The following KCNMA1 variants were observed in gnomAD, a reference collection of about 807,000 sequenced individuals.
KCNMA1 encodes the protein Calcium-activated potassium channel subunit alpha-1.
A neutral mutation model predicts 140.0 loss-of-function variants in KCNMA1; 29 were observed. That is an observed-to-expected ratio of 0.21 (90% CI 0.15 to 0.28). The LOEUF is 0.28. Ranked by LOEUF, KCNMA1 falls within the 10% of genes least tolerant of loss-of-function variation. The pLI is 1.00. For missense variants in KCNMA1, 880 were observed against 1,602.2 expected, an observed-to-expected ratio of 0.55 and a Z score of 7.70; for synonymous variants, 612 against 611.9, an observed-to-expected ratio of 1.00 and a Z score of 0.00.
intron 1 of KCNMA1, among the ~76,000 whole-genome samples, chr10:77,416,686 C>A (rs1188042164): frequency 6.6e-6 from 1 of 152,310 alleles, no homozygotes; most frequent in South Asian, 2.1e-4. Context: ...TGCTTCCCAC[C>A]ACTACCACCT....
At chr10:77,589,091 T>C (rs2078189122) in intron 1 of KCNMA1, among the ~76,000 whole-genome samples, 1 of 152,214 alleles carries the variant, frequency 6.6e-6, no homozygotes, top group Non-Finnish European at 1.5e-5. Context: ...TAAAACTTTA[T>C]TTACAAAACA....
At chr10:77,186,785 G>A (rs1450268614) in intron 3 of KCNMA1, among the ~76,000 whole-genome samples, 22 of 63,916 alleles carry the variant, frequency 3.4e-4, no homozygotes, top group Non-Finnish European at 6.8e-4. Flanking sequence ...AAATGTGTGT[G>A]TGTGTGTGTG....
chr10:77,194,153 C>T (rs978334357), intron 3 of KCNMA1, among the ~76,000 whole-genome samples: 1 of 152,132 alleles, frequency 6.6e-6, no homozygotes, highest in African/African-American at 2.4e-5. Flanking sequence ...TCAAGGCTTC[C>T]CAAATAAGAA....
At chr10:76,891,450 A>T in intron 26 of KCNMA1, 75 bp downstream of exon 26, 1 of 1,170,742 alleles carries the variant, frequency 8.5e-7, no homozygotes. Context: ...AGCTTGTCAC[A>T]TCTGATACCA....
At chr10:76,946,502 T>TG (rs1483765077) in intron 22 of KCNMA1, among the ~76,000 whole-genome samples, 1 of 152,182 alleles carries the variant, frequency 6.6e-6, no homozygotes, top group African/African-American at 2.4e-5. Context: ...TATGAGTCAC[T>TG]GGTAGTCATG....
chr10:77,531,616 C>T (rs1255653310), intron 1 of KCNMA1, among the ~76,000 whole-genome samples: 1 of 152,216 alleles, frequency 6.6e-6, no homozygotes, highest in Non-Finnish European at 1.5e-5. Context: ...TCCCTCAGCC[C>T]TCCAAGGAAA....
chr10:77,521,123 C>T (rs2053237882), intron 1 of KCNMA1, among the ~76,000 whole-genome samples: 1 of 152,192 alleles, frequency 6.6e-6, no homozygotes, highest in African/African-American at 2.4e-5. Flanking sequence ...CCATAACACA[C>T]AAAGCAGGGA....
In KCNMA1 at chr10:77,479,809, G is replaced by A. The variant is rs182303554; in HGVS notation, c.379-75786C>T. 6.6e-5 allele frequency among the ~76,000 whole-genome samples: 10 copies of A among 152,268 alleles called. No individual in the cohort carries two copies. In the East Asian group the frequency reaches 1.5e-3, roughly 24 times the overall value. ...TGACATTTCCTGAATTGTTTCCCAC[G>A]GGTCTTGTCTTTCAGGCTAGGACAA... On this transcript the variant is annotated intron_variant, in intron 1 of 27. Coordinates refer to ENST00000286628, the MANE Select transcript of KCNMA1 (RefSeq NM_001161352.2).
chr10:77,090,744 C>A (rs1243739541), intron 9 of KCNMA1: 4 of 575,576 alleles, frequency 6.9e-6, no homozygotes, highest in Non-Finnish European at 1.2e-5. Context: ...TGATGCTGCA[C>A]AAAATCCTAT....
intron 2 of KCNMA1, among the ~76,000 whole-genome samples, chr10:77,384,490 T>A (rs915975199): frequency 6.6e-6 from 1 of 152,226 alleles, no homozygotes; most frequent in Non-Finnish European, 1.5e-5. Flanking sequence ...AGGCCCATTA[T>A]GATGAAAGCA....
intron 19 of KCNMA1, among the ~76,000 whole-genome samples, chr10:76,995,136 C>T (rs1400729792): frequency 6.6e-6 from 1 of 152,182 alleles, no homozygotes; most frequent in Non-Finnish European, 1.5e-5. Context: ...CTGGGGGATT[C>T]TCCAGCTCCG....
intron 1 of KCNMA1, among the ~76,000 whole-genome samples, chr10:77,480,715 C>A (rs558995476): frequency 1.3e-5 from 2 of 152,086 alleles, no homozygotes; most frequent in African/African-American, 4.8e-5. Context: ...GCTTGCCTAG[C>A]GCAGCTTCCC....
chr10:77,212,537 G>T (rs1476498556), intron 3 of KCNMA1, among the ~76,000 whole-genome samples: 1 of 151,994 alleles, frequency 6.6e-6, no homozygotes, highest in Non-Finnish European at 1.5e-5. Flanking sequence ...TAACAAACCT[G>T]CATATGTACC....
chr10:77,283,973 G>C (rs1193596277), intron 2 of KCNMA1, among the ~76,000 whole-genome samples: 1 of 152,306 alleles, frequency 6.6e-6, no homozygotes, highest in Non-Finnish European at 1.5e-5. Context: ...TGGGTGAAAG[G>C]CGTGTGCTGT....
In KCNMA1 at chr10:76,889,440, C is replaced by T. The variant is rs1247084185; in HGVS notation, c.3461+11G>A. 2.6e-6 allele frequency: 4 copies of T among 1,566,638 alleles called. No individual in the cohort carries two copies. In the South Asian group the frequency reaches 3.3e-5, roughly 13 times the overall value. Reference sequence around the variant, plus strand: ...ATTAGGTGGGAGGGCAGAGTTGAAACCAATACTCACCTCTTTGTGCACTGA... The same window carrying T: ...ATTAGGTGGGAGGGCAGAGTTGAAATCAATACTCACCTCTTTGTGCACTGA... On this transcript the variant is annotated intron_variant, in intron 27 of 27. Transcript: ENST00000286628.
chr10:77,143,972 G>C (rs2098237065), intron 5 of KCNMA1, among the ~76,000 whole-genome samples: 1 of 152,134 alleles, frequency 6.6e-6, no homozygotes, highest in Non-Finnish European at 1.5e-5. Flanking sequence ...CACGTTGCTA[G>C]TAGAAGTGTA....
At chr10:77,406,072 G>C (rs35806) in intron 1 of KCNMA1, among the ~76,000 whole-genome samples, 14 of 152,006 alleles carry the variant, frequency 9.2e-5, no homozygotes, top group Admixed American at 1.3e-4. Context: ...GGCCCAGGAG[G>C]GGGAGGCCAC....
At chr10:77,373,357 C>T (rs768619116) in intron 2 of KCNMA1, among the ~76,000 whole-genome samples, 3 of 152,178 alleles carry the variant, frequency 2.0e-5, no homozygotes, top group Non-Finnish European at 2.9e-5. Flanking sequence ...TCAGTTTCTT[C>T]AACAGTAACA....
chr10:77,579,331 A>AT (rs1477040135), intron 1 of KCNMA1, among the ~76,000 whole-genome samples: 13 of 152,162 alleles, frequency 8.5e-5, no homozygotes, highest in African/African-American at 3.1e-4. Context: ...AGAAGCCTGA[A>AT]TTTTATCCTA....
Sources: allele counts gnomAD v4.1 joint callset (sites outside exome capture counted in the v4.1 genomes callset), GRCh38; gene constraint gnomAD v4.1.1; transcripts MANE v1.5; gene names NCBI Gene and HGNC (gene_info 2026-07-23, HGNC 2026-07-21).